The following GPC3 variants were observed in gnomAD, a reference collection of about 807,000 sequenced individuals.
GPC3 encodes glypican-3.
GPC3 carries 3 observed loss-of-function variants against 34.4 expected under a neutral mutation model. That is an observed-to-expected ratio of 0.09 (90% CI 0.04 to 0.23). The LOEUF (loss-of-function observed/expected upper bound fraction) is 0.23, where lower values mean the gene tolerates loss of function less well. Ranked by LOEUF, GPC3 falls within the 10% of genes least tolerant of loss-of-function variation. The pLI, the probability that GPC3 is intolerant of heterozygous loss-of-function variation, is 1.00. For synonymous variants in GPC3, 177 were observed against 174.0 expected (o/e 1.02, Z -0.13); for missense variants, 351 against 445.6 (o/e 0.79, Z 1.91).
At chrX:133,829,168 C>A (rs2075763814) in intron 2 of GPC3, among the ~76,000 whole-genome samples, 1 of 111,219 alleles carries the variant, frequency 9.0e-6, no homozygotes, top group Non-Finnish European at 1.9e-5. Flanking sequence ...AAAACAGTAA[C>A]CAAAAGGAGA....
chrX:133,592,906 A>G (rs985576452), intron 7 of GPC3, among the ~76,000 whole-genome samples: 1 of 112,236 alleles, frequency 8.9e-6, no homozygotes. Context: ...AAGTAGAGCA[A>G]GAATTTAAAT....
chrX:133,789,700 G>A (rs1422966887), intron 2 of GPC3, among the ~76,000 whole-genome samples: 3 of 112,013 alleles, frequency 2.7e-5, no homozygotes, highest in African/African-American at 9.7e-5. Flanking sequence ...TGTTACAGGA[G>A]AAAAAGGAGA....
At chrX:133,837,401 G>A (rs778948663) in intron 2 of GPC3, among the ~76,000 whole-genome samples, 1 of 111,970 alleles carries the variant, frequency 8.9e-6, no homozygotes, top group Non-Finnish European at 1.9e-5. Context: ...TTTCTGACTG[G>A]ACTCATATGA....
At chrX:133,911,842 T>C (rs1232999596) in intron 2 of GPC3, among the ~76,000 whole-genome samples, 2 of 111,963 alleles carry the variant, frequency 1.8e-5, no homozygotes, top group East Asian at 2.8e-4. Context: ...CTCAATGAGA[T>C]GTTGTCACCT....
intron 7 of GPC3, among the ~76,000 whole-genome samples, chrX:133,547,342 GA>G (rs1053558267): frequency 1.0e-4 from 11 of 110,021 alleles, no homozygotes; most frequent in Non-Finnish European, 7.6e-5. Flanking sequence ...ATAATTTAAA[GA>G]AAAAAAAACT....
chrX:133,967,965 G>T (rs2076471580), intron 1 of GPC3, among the ~76,000 whole-genome samples: 2 of 112,388 alleles, frequency 1.8e-5, no homozygotes, highest in African/African-American at 6.5e-5. Flanking sequence ...AAAGGGAAAT[G>T]GTGACACTAT....
chrX:133,623,974 G>A (rs2070265576), intron 6 of GPC3, among the ~76,000 whole-genome samples: 1 of 111,706 alleles, frequency 9.0e-6, no homozygotes, highest in Non-Finnish European at 1.9e-5. Flanking sequence ...AGACCACAGG[G>A]AATCAAACTA....
At chrX:133,788,091 TATATATATATATATATATATA>T (rs2072121798) in intron 2 of GPC3, among the ~76,000 whole-genome samples, 2 of 17,602 alleles carry the variant, frequency 1.1e-4, no homozygotes, top group Non-Finnish European at 3.4e-4. Context: ...TATTATTTTA[TATATATATATATATATATATA>T]TATATATATA....
At chrX:133,951,890 T>C (rs969212867) in intron 2 of GPC3, among the ~76,000 whole-genome samples, 4 of 111,428 alleles carry the variant, frequency 3.6e-5, no homozygotes, top group African/African-American at 1.3e-4. Flanking sequence ...TAAGCTATAA[T>C]CAACACACCT....
intron 2 of GPC3, among the ~76,000 whole-genome samples, chrX:133,799,645 T>C (rs751221595): frequency 5.4e-4 from 60 of 111,604 alleles, no homozygotes; most frequent in Non-Finnish European, 6.0e-4. Flanking sequence ...TTTTACATGA[T>C]AAATTTTTAT....
At chrX:133,940,486 G>C (rs1026189801) in intron 2 of GPC3, among the ~76,000 whole-genome samples, 1 of 111,360 alleles carries the variant, frequency 9.0e-6, no homozygotes, top group Non-Finnish European at 1.9e-5. Context: ...GTAAAATGGG[G>C]ATAATAATAC....
intron 3 of GPC3, among the ~76,000 whole-genome samples, chrX:133,729,108 C>T (rs894029128): frequency 1.8e-5 from 2 of 110,957 alleles, no homozygotes; most frequent in African/African-American, 6.6e-5. Context: ...ACTTCTCTAG[C>T]CACCATGTTA....
intron 2 of GPC3, among the ~76,000 whole-genome samples, chrX:133,877,561 A>G (rs1427600796): frequency 1.8e-5 from 2 of 112,202 alleles, no homozygotes; most frequent in Admixed American, 9.5e-5. Flanking sequence ...TCTGTGGCCT[A>G]GTAGTGCTGA....
intron 2 of GPC3, among the ~76,000 whole-genome samples, chrX:133,909,740 C>T (rs989282831): frequency 3.6e-5 from 4 of 111,156 alleles, no homozygotes; most frequent in Middle Eastern, 4.2e-3. Context: ...CGAAGTTTTA[C>T]GATTTTAAAA....
intron 3 of GPC3, among the ~76,000 whole-genome samples, chrX:133,715,406 T>G (rs1035042033): frequency 1.8e-5 from 2 of 111,827 alleles, no homozygotes; most frequent in Non-Finnish European, 3.8e-5. Flanking sequence ...GGACTTCATC[T>G]TGTGACTGTG....
chrX:133,920,552 A>C lies in GPC3; in HGVS notation c.337+32498T>G, dbSNP rs150544079. On this transcript the variant is annotated intron_variant, in intron 2 of 7. Transcript: ENST00000370818. ...GGTTAAATACATTATACATATTAAC[A>C]ATCACATTTAGGTGAGCTTTTATTG... is the stretch of plus-strand genomic sequence containing the variant. Among the ~76,000 whole-genome samples the C allele has an allele frequency of 5.3e-3, 596 of 111,840 alleles. 6 individuals carry two copies. Among genetic ancestry groups the C allele is most frequent in the African/African-American group, 0.018 (564 of 30,802 alleles).
At chrX:133,650,457 C>CACACACACA (rs770442258) in intron 6 of GPC3, among the ~76,000 whole-genome samples, 1 of 97,669 alleles carries the variant, frequency 1.0e-5, no homozygotes, top group African/African-American at 3.8e-5. Context: ...ACACACCCAC[C>CACACACACA]CACACACACA....
At chrX:133,654,918 T>A (rs1227785384) in intron 6 of GPC3, among the ~76,000 whole-genome samples, 2 of 111,557 alleles carry the variant, frequency 1.8e-5, no homozygotes, top group Admixed American at 9.6e-5. Flanking sequence ...GTTAAAAATA[T>A]CCTATGAAAG....
chrX:133,980,585 A>G (rs1983914977), intron 1 of GPC3, among the ~76,000 whole-genome samples: 1 of 112,380 alleles, frequency 8.9e-6, no homozygotes, highest in Admixed American at 9.5e-5. Context: ...AAAAAAATGT[A>G]CAAATTCAGC....
Sources: allele counts gnomAD v4.1 joint callset (sites outside exome capture counted in the v4.1 genomes callset), GRCh38; gene constraint gnomAD v4.1.1; transcripts MANE v1.5; gene names NCBI Gene and HGNC (gene_info 2026-07-23, HGNC 2026-07-21).